BRWD3: variants seen among roughly 807,000 people sequenced by gnomAD.
BRWD3 encodes the protein bromodomain and WD repeat domain containing 3.
In BRWD3, 10 loss-of-function variants were observed where a neutral mutation model predicts 149.7. The observed-to-expected ratio is 0.07, with a 90% CI of 0.04 to 0.11. The LOEUF is 0.11. BRWD3 is among the 10% of genes least tolerant of loss of function. The pLI is 1.00. For synonymous variants in BRWD3, 504 were observed against 456.7 expected (o/e 1.10, Z -1.32); for missense variants, 940 against 1,373.2 (o/e 0.68, Z 4.99).
chrX:80,748,053 C>CGCTGG (rs1409358590), intron 6 of BRWD3, among the ~76,000 whole-genome samples: 1 of 111,530 alleles, frequency 9.0e-6, no homozygotes, highest in Non-Finnish European at 1.9e-5. Flanking sequence ...ATGTTAGTCA[C>CGCTGG]GCTGGTCTTG....
chrX:80,804,366 T>C (rs2074330073), intron 4 of BRWD3, among the ~76,000 whole-genome samples: 1 of 109,958 alleles, frequency 9.1e-6, no homozygotes, highest in Admixed American at 9.8e-5. Context: ...GCCTCCTGAG[T>C]AGCTGGAATT....
chrX:80,701,408 C>G (rs372692876), intron 24 of BRWD3, among the ~76,000 whole-genome samples: 1 of 106,692 alleles, frequency 9.4e-6, no homozygotes, highest in African/African-American at 3.4e-5. Context: ...ATTCACCGGG[C>G]GTGGTGGTGC....
chrX:80,680,563 T>C (rs1357366310), intron 40 of BRWD3, among the ~76,000 whole-genome samples: 2 of 111,430 alleles, frequency 1.8e-5, no homozygotes, highest in African/African-American at 3.3e-5. Context: ...AGAGGATATC[T>C]GACTTACATA....
intron 6 of BRWD3, among the ~76,000 whole-genome samples, chrX:80,768,221 TAGAG>T (rs1174400387): frequency 9.0e-6 from 1 of 110,546 alleles, no homozygotes; most frequent in African/African-American, 3.3e-5. Flanking sequence ...ATTCAGGAAA[TAGAG>T]AGACCACCAC....
At chrX:80,682,801 T>C (rs770252775) in intron 37 of BRWD3, among the ~76,000 whole-genome samples, 173 bp from the exon 38 acceptor site, 48 of 111,805 alleles carry the variant, frequency 4.3e-4, no homozygotes, top group African/African-American at 5.2e-4. Context: ...TAAATGTTTT[T>C]CAAATATAGT....
Position 80,681,491 on chromosome X carries a change from C to T in BRWD3, c.4504G>A (p.Ala1502Thr). ...SSPFSSPVSD[A>T]AEGLSLYLLD... is the part of the protein sequence containing the mutation. Reference sequence around the variant, plus strand: ...AGATATAGTGAAAGCCCTTCAGCAGCATCTGAAACTTACATTTTAAAAGAT... The same window carrying T: ...AGATATAGTGAAAGCCCTTCAGCAGTATCTGAAACTTACATTTTAAAAGAT... Residue 1502 changes from alanine to threonine, a missense_variant, in exon 40 of 41, where the codon GCT becomes ACT. Physicochemically the swap from Ala to Thr is moderately conservative, Grantham distance 58 (BLOSUM62 0). Around this residue, in one of 6 missense-constraint regions of BRWD3, gnomAD observed 349 missense variants for 419.6 expected, o/e 0.83. Transcript: ENST00000373275. 1 of 1,202,171 alleles carries T rather than the reference C, an allele frequency of 8.3e-7. No individual in the cohort carries two copies. The highest frequency in any genetic ancestry group is 1.1e-6 in the Non-Finnish European group (1 of 887,613).
chrX:80,719,435 G>A, intron 18 of BRWD3, 54 bp downstream of exon 18: 1 of 1,053,354 alleles, frequency 9.5e-7, no homozygotes, highest in Non-Finnish European at 1.3e-6. Flanking sequence ...TTTGGTAAAA[G>A]TAAAATAATT....
intron 6 of BRWD3, among the ~76,000 whole-genome samples, chrX:80,753,853 G>T (rs933974149): frequency 9.0e-5 from 10 of 110,539 alleles, no homozygotes; most frequent in African/African-American, 3.3e-4. Context: ...TTTATTTCTG[G>T]GTTTTCTATT....
chrX:80,685,618 C>T lies in BRWD3; in HGVS notation c.4006-82G>A, dbSNP rs191283783. On this transcript the variant is annotated intron_variant, in intron 35 of 40. Transcript: ENST00000373275. The stretch of plus-strand genomic sequence containing the variant: ...CGTGTAATACAATTATGACTTAAGT[C>T]TCAAAGATCCATACACTGGAATCAT... 70 of 741,727 alleles carry T rather than the reference C, an allele frequency of 9.4e-5. No individual in the cohort carries two copies. The East Asian group carries it at 1.3e-3, about 14-fold the overall frequency. 61.1% of individuals were successfully genotyped at this position (741,727 alleles called of 1,213,427 possible). A position where few individuals can be genotyped will look rare whatever the true frequency, so the allele number is the denominator to read the frequency against.
At chrX:80,805,410 T>C (rs1053063206) in intron 4 of BRWD3, among the ~76,000 whole-genome samples, 1 of 111,543 alleles carries the variant, frequency 9.0e-6, no homozygotes, top group African/African-American at 3.3e-5. Flanking sequence ...TACGTGGCCA[T>C]GCAACCCCTA....
At chrX:80,799,677 C>G (rs1372120814) in intron 4 of BRWD3, among the ~76,000 whole-genome samples, 2 of 111,655 alleles carry the variant, frequency 1.8e-5, no homozygotes, top group African/African-American at 6.5e-5. Context: ...TAACAGGGTA[C>G]TTTGAAGTCT....
intron 35 of BRWD3, among the ~76,000 whole-genome samples, chrX:80,685,777 C>T (rs1399762642): frequency 1.8e-5 from 2 of 111,619 alleles, no homozygotes; most frequent in Admixed American, 9.5e-5. Context: ...AATCTCGTTC[C>T]TTACTTGAAT....
intron 6 of BRWD3, among the ~76,000 whole-genome samples, chrX:80,776,210 A>C (rs2073999145): frequency 8.9e-6 from 1 of 112,416 alleles, no homozygotes; most frequent in Non-Finnish European, 1.9e-5. Flanking sequence ...GGCTTCAACT[A>C]AATTTGGTTC....
At chrX:80,790,298 T>C (rs748445013) in intron 6 of BRWD3, among the ~76,000 whole-genome samples, 1 of 110,225 alleles carries the variant, frequency 9.1e-6, no homozygotes, top group Non-Finnish European at 1.9e-5. Context: ...TAGAGAACTA[T>C]GACCCACAAA....
At chrX:80,681,213 T>C (rs1193080075) in intron 40 of BRWD3, 128 bp downstream of exon 40, 2 of 659,387 alleles carry the variant, frequency 3.0e-6, no homozygotes, top group East Asian at 6.8e-5. Flanking sequence ...GACTCATATG[T>C]GACAGAATTC....
intron 6 of BRWD3, among the ~76,000 whole-genome samples, chrX:80,763,497 G>A (rs909486347): frequency 8.9e-6 from 1 of 111,912 alleles, no homozygotes; most frequent in Non-Finnish European, 1.9e-5. Context: ...CTAAGAAGAT[G>A]TTTAAAAACT....
intron 25 of BRWD3, 118 bp downstream of exon 25, chrX:80,699,838 TA>T (rs1271786608): frequency 1.9e-6 from 1 of 525,256 alleles, no homozygotes; most frequent in African/African-American, 2.3e-5. Context: ...ATCATCATCT[TA>T]TCTTGGATAC....
intron 14 of BRWD3, among the ~76,000 whole-genome samples, chrX:80,726,009 G>C (rs201325619): frequency 2.0e-5 from 2 of 99,292 alleles, no homozygotes; most frequent in African/African-American, 8.0e-5. Flanking sequence ...ATGTTTACAT[G>C]TTATATGTCT....
chrX:80,749,078 A>G (rs142180104), intron 6 of BRWD3, among the ~76,000 whole-genome samples: 1,646 of 112,085 alleles, frequency 0.015, 19 homozygotes, highest in Non-Finnish European at 0.024. Context: ...TATTATTTCA[A>G]TCTTCTTAAA....
Sources: allele counts gnomAD v4.1 joint callset (sites outside exome capture counted in the v4.1 genomes callset), GRCh38; gene constraint gnomAD v4.1.1; regional missense constraint gnomAD v4.1.1; transcripts MANE v1.5; gene names NCBI Gene and HGNC (gene_info 2026-07-23, HGNC 2026-07-21).